Variants in GALNT13 observed in about 807,000 individuals in gnomAD.
The protein encoded by GALNT13 is UDP-GalNAc:polypeptide N-acetylgalactosaminyltransferase 13.
A neutral mutation model predicts 64.2 loss-of-function variants in GALNT13; 28 were observed. That is an observed-to-expected ratio of 0.44 (90% CI 0.32 to 0.60). GALNT13 has a LOEUF of 0.60. Among genes scored for constraint, GALNT13 ranks in the 20% least tolerant of loss-of-function variants. The pLI is 0.05. For synonymous variants in GALNT13, 214 were observed against 224.6 expected (o/e 0.95, Z 0.42); for missense variants, 577 against 669.8 (o/e 0.86, Z 1.53).
At chr2:154,188,801 C>T (rs541170967) in intron 4 of GALNT13, among the ~76,000 whole-genome samples, 1 of 152,142 alleles carries the variant, frequency 6.6e-6, no homozygotes, top group Non-Finnish European at 1.5e-5. Context: ...AAGCATATCT[C>T]ATACTCAAAA....
intron 3 of GALNT13, among the ~76,000 whole-genome samples, chr2:154,022,691 T>G (rs1174338983): frequency 6.6e-6 from 1 of 152,194 alleles, no homozygotes; most frequent in Non-Finnish European, 1.5e-5. Flanking sequence ...GTGTCTCTAT[T>G]TCCTTCAGTT....
At chr2:153,501,547 G>C in the GALNT13 span, among the ~76,000 whole-genome samples, 2 of 151,990 alleles carry the variant, frequency 1.3e-5, no homozygotes, top group Non-Finnish European at 2.9e-5. Context: ...GGCCAGGCTG[G>C]TCTCAAACTC....
chr2:153,744,454 G>A, the GALNT13 span, among the ~76,000 whole-genome samples: 49 of 152,148 alleles, frequency 3.2e-4, no homozygotes, highest in African/African-American at 9.9e-4. Flanking sequence ...TTTCATATGC[G>A]TATGTCCCAT....
chr2:153,204,509 T>C, the GALNT13 span, among the ~76,000 whole-genome samples: 3 of 152,324 alleles, frequency 2.0e-5, no homozygotes, highest in Admixed American at 1.3e-4. Flanking sequence ...CTCCCCAGAA[T>C]GGCTGGTTTG....
At chr2:154,169,217 T>A (rs7559996) in intron 4 of GALNT13, among the ~76,000 whole-genome samples, 7,687 of 152,128 alleles carry the variant, frequency 0.051, 381 homozygotes, top group African/African-American at 0.13. Flanking sequence ...AATCTCAACA[T>A]GAGTTTTGGA....
the GALNT13 span, among the ~76,000 whole-genome samples, chr2:153,664,374 G>A: frequency 3.9e-5 from 6 of 152,126 alleles, no homozygotes; most frequent in African/African-American, 7.2e-5. Context: ...GCCTGGTCCC[G>A]CAGGCAGTCA....
chr2:153,566,907 A>T, the GALNT13 span, among the ~76,000 whole-genome samples: 2 of 152,210 alleles, frequency 1.3e-5, no homozygotes, highest in African/African-American at 4.8e-5. Context: ...CCCTTTTGTT[A>T]TCCACATTTT....
chr2:153,971,311 T>C (rs72993628), intron 3 of GALNT13, among the ~76,000 whole-genome samples: 9,938 of 152,212 alleles, frequency 0.065, 500 homozygotes, highest in East Asian at 0.13. Context: ...TTTTTACCAC[T>C]GTATTTTTCA....
the GALNT13 span, among the ~76,000 whole-genome samples, chr2:153,385,464 A>G: frequency 6.6e-6 from 1 of 152,066 alleles, no homozygotes; most frequent in Non-Finnish European, 1.5e-5. Flanking sequence ...GTTCTCACTT[A>G]TTTGTGGAAT....
chr2:154,021,457 G>C (rs554834328), intron 3 of GALNT13, among the ~76,000 whole-genome samples: 13 of 152,272 alleles, frequency 8.5e-5, no homozygotes, highest in African/African-American at 3.1e-4. Context: ...TATTCTCTTT[G>C]AAACAATTGT....
intron 3 of GALNT13, among the ~76,000 whole-genome samples, chr2:153,953,351 T>C: frequency 6.6e-6 from 1 of 152,084 alleles, no homozygotes; most frequent in East Asian, 1.9e-4. Flanking sequence ...ATTTTAAGTA[T>C]TAACTATTCT....
At chr2:154,073,031 T>G (rs1700814076) in intron 3 of GALNT13, among the ~76,000 whole-genome samples, 1 of 152,006 alleles carries the variant, frequency 6.6e-6, no homozygotes, top group African/African-American at 2.4e-5. Flanking sequence ...ATAATAATAG[T>G]ATGATGGTTT....
At chr2:154,206,250 C>T (rs998167211) in intron 4 of GALNT13, among the ~76,000 whole-genome samples, 1 of 151,828 alleles carries the variant, frequency 6.6e-6, no homozygotes, top group Non-Finnish European at 1.5e-5. Flanking sequence ...ATCCGCCCGC[C>T]TCGGCCTCCC....
At chr2:153,982,676 C>T (rs972614721) in intron 3 of GALNT13, among the ~76,000 whole-genome samples, 4 of 151,912 alleles carry the variant, frequency 2.6e-5, no homozygotes, top group Admixed American at 2.6e-4. Flanking sequence ...TTAACAAGCA[C>T]CGTGATGAGG....
chr2:153,566,379 G>C, the GALNT13 span, among the ~76,000 whole-genome samples: 1 of 56,156 alleles, frequency 1.8e-5, no homozygotes, highest in Non-Finnish European at 3.1e-5. Context: ...TTTTGAGACG[G>C]AGTCTCGTTC....
At chr2:153,972,290 A>G (rs1693792299) in intron 3 of GALNT13, among the ~76,000 whole-genome samples, 1 of 152,108 alleles carries the variant, frequency 6.6e-6, no homozygotes, top group South Asian at 2.1e-4. Flanking sequence ...AGTCATAGAA[A>G]TACAGGAAGA....
chr2:154,024,424 C>T (rs535008219), intron 3 of GALNT13, among the ~76,000 whole-genome samples: 54 of 152,206 alleles, frequency 3.5e-4, no homozygotes, highest in African/African-American at 8.7e-4. Context: ...CTTCCCTTCT[C>T]GCTTCATTTC....
the GALNT13 span, among the ~76,000 whole-genome samples, chr2:153,726,846 G>A: frequency 3.3e-5 from 5 of 151,354 alleles, no homozygotes; most frequent in African/African-American, 9.7e-5. Flanking sequence ...AGGCTGAGGC[G>A]GGAGAATGGT....
At chr2:153,212,402 T>A in the GALNT13 span, among the ~76,000 whole-genome samples, 6 of 152,208 alleles carry the variant, frequency 3.9e-5, no homozygotes, top group African/African-American at 1.4e-4. Context: ...CAGTGTGTTC[T>A]TCCTATTGTG....
Sources: allele counts gnomAD v4.1 joint callset (sites outside exome capture counted in the v4.1 genomes callset), GRCh38; gene constraint gnomAD v4.1.1; transcripts MANE v1.5; gene names NCBI Gene and HGNC (gene_info 2026-07-23, HGNC 2026-07-21).